Variants in SNRNP48 observed in about 807,000 individuals in gnomAD.
SNRNP48 encodes the protein small nuclear ribonucleoprotein U11/U12 subunit 48.
Under a neutral mutation model 47.0 loss-of-function variants are expected in SNRNP48, and 43 were observed. The ratio of observed to expected loss-of-function variants is 0.92; its 90% CI spans 0.72 to 1.18. SNRNP48 has a LOEUF of 1.18. Among genes scored for constraint, SNRNP48 ranks in the 50% most tolerant of loss-of-function variants. The pLI is 0.00. For synonymous variants in SNRNP48, 138 were observed against 144.0 expected (o/e 0.96, Z 0.30); for missense variants, 396 against 422.2 (o/e 0.94, Z 0.54).
rs1759790600 is a variant in SNRNP48 at position 7,590,288 on chromosome 6, C to T, written c.31C>T (p.Arg11Trp). MEGEPPPVEE[R>W]RRLQEELNEF... ...GGGCGAGCCTCCACCTGTGGAGGAG[C>T]GGCGGCGGCTGCAGGAGGAGCTGAA... Residue 11 changes from arginine (R) to tryptophan (W), a missense_variant, in exon 1 of 9, where the codon CGG (arginine) becomes TGG (tryptophan). Physicochemically the swap from Arg to Trp is moderately radical, Grantham distance 101 (BLOSUM62 -3). Transcript: ENST00000342415. The T allele has an allele frequency of 2.9e-6, 4 of 1,366,350 alleles. No individual in the cohort carries two copies. The South Asian group carries it at 8.3e-5, about 28-fold the overall frequency. 84.6% of individuals were successfully genotyped at this position (1,366,350 alleles called of 1,614,324 possible). A position where few individuals can be genotyped will look rare whatever the true frequency, so the allele number is the denominator to read the frequency against.
chr6:7,599,866 A>G (rs1759980740), intron 4 of SNRNP48: 18 of 1,050,754 alleles, frequency 1.7e-5, no homozygotes, highest in Non-Finnish European at 2.1e-5. Flanking sequence ...AGTCTTCATC[A>G]TAAAGAAATT....
chr6:7,608,890 T>C lies in SNRNP48; in HGVS notation c.*17T>C. On this transcript the variant is annotated 3_prime_UTR_variant, in exon 9 of 9. Coordinates refer to ENST00000342415, the MANE Select transcript of SNRNP48 (RefSeq NM_152551.4). ...AAAATATAAATGAAGTACTTGTACCTATATTAATTATGCTTACGCCATGAT... is the reference window on the plus strand; with the variant it reads ...AAAATATAAATGAAGTACTTGTACCCATATTAATTATGCTTACGCCATGAT... 2 of 1,369,698 alleles carry C rather than the reference T, an allele frequency of 1.5e-6. No individual in the cohort carries two copies. Among genetic ancestry groups the C allele is most frequent in the Non-Finnish European group, 2.0e-6 (2 of 996,014 alleles). 84.8% of individuals were successfully genotyped at this position (1,369,698 alleles called of 1,614,324 possible).
chr6:7,608,788 C>G, intron 8 of SNRNP48, 37 bp from the exon 9 acceptor site: 1 of 1,289,718 alleles, frequency 7.8e-7, no homozygotes, highest in African/African-American at 1.5e-5. Context: ...AAATGTCCAT[C>G]ATTTATAACC....
In SNRNP48 at chr6:7,610,922, TA is replaced by T. The variant is rs1377553571; in HGVS notation, c.*2051del. ...CCTGTGCCTGCAGCCTCATAGGTGT[TA>T]ATCTGTAATTTTAAATTTTGACAAA... On this transcript the variant is annotated 3_prime_UTR_variant, in exon 9 of 9. Coordinates refer to ENST00000342415, the MANE Select transcript of SNRNP48 (RefSeq NM_152551.4). 1 of 152,244 alleles carries T rather than the reference TA, an allele frequency of 6.6e-6. No individual in the cohort carries two copies. Among genetic ancestry groups the T allele is most frequent in the Non-Finnish European group, 1.5e-5 (1 of 68,052 alleles). 9.4% of individuals were successfully genotyped at this position (152,244 alleles called of 1,614,324 possible).
chr6:7,593,678 A>G, intron 1 of SNRNP48, 56 bp from the exon 2 acceptor site: 2 of 1,106,240 alleles, frequency 1.8e-6, no homozygotes, highest in Non-Finnish European at 2.6e-6. Flanking sequence ...TTTAATGGTA[A>G]TTATTTATTT....
chr6:7,601,637 A>G (rs1760024717), intron 5 of SNRNP48, 113 bp downstream of exon 5: 2 of 1,084,052 alleles, frequency 1.8e-6, no homozygotes, highest in Non-Finnish European at 2.5e-6. Context: ...ATGGTTTTGT[A>G]TCATTTAATA....
chr6:7,590,399 G>C lies in SNRNP48; in HGVS notation c.142G>C (p.Glu48Gln), dbSNP rs1759793991. 2 of 1,322,790 alleles carry C rather than the reference G, an allele frequency of 1.5e-6. No individual in the cohort carries two copies. Among genetic ancestry groups the C allele is most frequent in the Non-Finnish European group, 2.0e-6 (2 of 1,024,372 alleles). 81.9% of individuals were successfully genotyped at this position (1,322,790 alleles called of 1,614,324 possible). Residue 48 changes from glutamate to glutamine, a missense_variant, in exon 1 of 9, where the codon GAG (glutamate) becomes CAG (glutamine). Glu to Gln is a conservative substitution (Grantham distance 29). Coordinates refer to ENST00000342415, the MANE Select transcript of SNRNP48 (RefSeq NM_152551.4). ...CCTAGATAGTCTGGATCCCGGGGAA[G>C]AGGAGGCGGCGGAGGTGAGGAGCGC... The part of the protein sequence containing the change: ...WDLDSLDPGE[E>Q]EAAEDEVVIC...
At chr6:7,594,682 A>G (rs1759872529) in intron 3 of SNRNP48, among the ~76,000 whole-genome samples, 1 of 152,268 alleles carries the variant, frequency 6.6e-6, no homozygotes, top group Admixed American at 6.5e-5. Context: ...TTCTTAGAAT[A>G]GTGTCAGGCA....
Position 7,594,144 on chromosome 6 carries a change from C to G in SNRNP48, c.316C>G (p.Pro106Ala). 7.2e-7 allele frequency: 1 copy of G among 1,389,154 alleles called. No individual in the cohort carries two copies. The highest frequency in any genetic ancestry group is 9.8e-7 in the Non-Finnish European group (1 of 1,022,642). The allele number at this position is 1,389,154 out of a possible 1,614,324, so 86.1% of individuals were successfully genotyped here. ...PEFFYENVKIPSITLNKDSQF... is the reference protein window; with the variant it reads ...PEFFYENVKIASITLNKDSQF... ...GTTTTTCTATGAAAATGTGAAGATACCTTCGATTACTTTGAGTAAGTATTA... is the reference window on the plus strand; with the variant it reads ...GTTTTTCTATGAAAATGTGAAGATAGCTTCGATTACTTTGAGTAAGTATTA... Residue 106 changes from proline to alanine, a missense_variant, in exon 3 of 9, where the codon CCT (proline) becomes GCT (alanine). Physicochemically the swap from Pro to Ala is conservative, Grantham distance 27. Coordinates refer to ENST00000342415, the MANE Select transcript of SNRNP48 (RefSeq NM_152551.4).
At chr6:7,607,052 C>G (rs1363719544) in intron 8 of SNRNP48, among the ~76,000 whole-genome samples, 1 of 152,210 alleles carries the variant, frequency 6.6e-6, no homozygotes, top group Non-Finnish European at 1.5e-5. Flanking sequence ...GGCATGGTGG[C>G]TCATGCCTAT....
rs369478881 is a variant in SNRNP48, at chr6:7,605,457, G to A, written c.777G>A (p.Glu259=). The A allele has an allele frequency of 1.2e-6, 2 of 1,613,988 alleles. No individual in the cohort carries two copies. Among genetic ancestry groups the A allele is most frequent in the Non-Finnish European group, 1.7e-6 (2 of 1,179,988 alleles). The change falls in exon 7 of 9, where the codon GAG becomes GAA. Residue 259 remains glutamate, a synonymous_variant. Coordinates refer to ENST00000342415, the MANE Select transcript of SNRNP48 (RefSeq NM_152551.4). ...MEELSNHWQE[E]QEKAEDDAEK... ...AACTCAGCAATCATTGGCAAGAAGAGCAAGAGAAGGCAGAGGATGATGCCG... is the reference window on the plus strand; with the variant it reads ...AACTCAGCAATCATTGGCAAGAAGAACAAGAGAAGGCAGAGGATGATGCCG...
At chr6:7,590,502 G>A (rs966890640) in intron 1 of SNRNP48, 89 bp downstream of exon 1, 4 of 1,228,980 alleles carry the variant, frequency 3.3e-6, no homozygotes, top group Admixed American at 4.2e-5. Flanking sequence ...CAGCCGCGGA[G>A]GGAAGGGCGA....
At position 7,604,333 on chromosome 6, in the gene SNRNP48, C is replaced by T. The variant is rs77364443; in HGVS notation, c.718-1065C>T. Among the ~76,000 whole-genome samples, 77 of 152,212 alleles carry T rather than the reference C, an allele frequency of 5.1e-4. No homozygotes were observed. In the East Asian group the frequency reaches 0.012, roughly 24 times the overall value. ...GGAGAAGTGGTGGATAAGGATTTTC[C>T]GGGTGGAAGAACTAGCATTCTGAAA... On this transcript the variant is annotated intron_variant, in intron 6 of 8. Coordinates refer to ENST00000342415, the MANE Select transcript of SNRNP48 (RefSeq NM_152551.4).
chr6:7,602,517 T>C (rs576286573), intron 5 of SNRNP48, 106 bp from the exon 6 acceptor site: 10 of 860,120 alleles, frequency 1.2e-5, no homozygotes, highest in African/African-American at 8.8e-5. Context: ...TTTTATGTGC[T>C]ACTTTGAAAC....
intron 8 of SNRNP48, among the ~76,000 whole-genome samples, chr6:7,608,273 C>A (rs1760169463): frequency 6.6e-6 from 1 of 151,808 alleles, no homozygotes; most frequent in Non-Finnish European, 1.5e-5. Flanking sequence ...AACTAAGAGA[C>A]AGGCCGGGCG....
chr6:7,590,979 A>G lies in SNRNP48; in HGVS notation c.156+566A>G, dbSNP rs1422340413. The stretch of plus-strand genomic sequence containing the variant: ...GGCGACAGAGCAAGACCCTGTCTCA[A>G]AAAACAAACAAACAAAATCCAGGAA... On this transcript the variant is annotated intron_variant, in intron 1 of 8. Transcript: ENST00000342415. Among the ~76,000 whole-genome samples, 4 of 152,324 alleles carry G rather than the reference A, an allele frequency of 2.6e-5. No homozygotes were observed. The East Asian group carries it at 5.8e-4, about 22-fold the overall frequency.
intron 1 of SNRNP48, among the ~76,000 whole-genome samples, chr6:7,592,486 G>A (rs976791768): frequency 1.3e-5 from 2 of 151,778 alleles, no homozygotes; most frequent in African/African-American, 4.8e-5. Flanking sequence ...TTTATTGAAT[G>A]CTTGCTATGT....
At position 7,590,237 on chromosome 6, in the gene SNRNP48, C is replaced by G; in HGVS notation, c.-21C>G. 2 of 1,299,256 alleles carry G rather than the reference C, an allele frequency of 1.5e-6. No individual in the cohort carries two copies. The highest frequency in any genetic ancestry group is 2.0e-6 in the Non-Finnish European group (2 of 1,016,034). 80.5% of individuals were successfully genotyped at this position (1,299,256 alleles called of 1,614,324 possible). ...GCGGTCTGCAGTTCGGCCGCTTCCT[C>G]TTGGCGGGTGGGCTGCAGCTATGGA... On this transcript the variant is annotated 5_prime_UTR_variant, in exon 1 of 9. Coordinates refer to ENST00000342415, the MANE Select transcript of SNRNP48 (RefSeq NM_152551.4).
At chr6:7,606,498 G>A (rs1035386865) in intron 8 of SNRNP48, among the ~76,000 whole-genome samples, 2 of 152,094 alleles carry the variant, frequency 1.3e-5, no homozygotes, top group Non-Finnish European at 2.9e-5. Flanking sequence ...TGTTAAACAC[G>A]GTTTTCCCAG....
Sources: allele counts gnomAD v4.1 joint callset (sites outside exome capture counted in the v4.1 genomes callset), GRCh38; gene constraint gnomAD v4.1.1; transcripts MANE v1.5; gene names NCBI Gene and HGNC (gene_info 2026-07-23, HGNC 2026-07-21).